Variants in PDZD2 observed in about 807,000 individuals in gnomAD.
PDZD2 encodes the protein PDZ domain-containing protein 2.
A neutral mutation model predicts 220.7 loss-of-function variants in PDZD2; 90 were observed. The ratio of observed to expected loss-of-function variants is 0.41; its 90% CI spans 0.34 to 0.49. PDZD2 has a LOEUF of 0.49. Among genes scored for constraint, PDZD2 ranks in the 20% least tolerant of loss-of-function variants. The probability of loss-of-function intolerance (pLI) is 0.28; values close to 1 mark genes in which losing one functional copy is unlikely to be tolerated. For missense variants in PDZD2, 3,174 were observed against 3,608.5 expected, an observed-to-expected ratio of 0.88 and a Z score of 3.08; for synonymous variants, 1,375 against 1,450.5, an observed-to-expected ratio of 0.95 and a Z score of 1.18.
chr5:31,935,004 CTT>C (rs1745598209), intron 2 of PDZD2, among the ~76,000 whole-genome samples: 1 of 151,482 alleles, frequency 6.6e-6, no homozygotes, highest in South Asian at 2.1e-4. Flanking sequence ...AGGAGAATCT[CTT>C]GAACCCGGAA....
At position 32,060,996 on chromosome 5, in the gene PDZD2, C is replaced by G; in HGVS notation, c.2319-6C>G. The G allele has an allele frequency of 6.2e-7, 1 of 1,614,126 alleles. No homozygotes were observed. Among genetic ancestry groups the G allele is most frequent in the South Asian group, 1.1e-5 (1 of 91,078 alleles). ...CACAGAGTGTGGATTCTGTTGCCCT[C>G]CCTAGCCGCGGGGATCAAATCCTGG... is the stretch of plus-strand genomic sequence containing the variant. On this transcript the variant is annotated splice_polypyrimidine_tract_variant and splice_region_variant and intron_variant, in intron 13 of 24. Transcript: ENST00000438447.
intron 1 of PDZD2, among the ~76,000 whole-genome samples, chr5:31,723,958 C>A (rs897858485): frequency 1.3e-5 from 2 of 152,094 alleles, no homozygotes; most frequent in Admixed American, 6.6e-5. Flanking sequence ...GTGTGAAAGG[C>A]AAGCCTCTCT....
rs749665532 is a variant in PDZD2 at position 32,090,068 on chromosome 5, C to T, written c.6620C>T (p.Ser2207Leu). 1.5e-5 allele frequency: 25 copies of T among 1,613,414 alleles called. No homozygotes were observed. Among genetic ancestry groups the T allele is most frequent in the Non-Finnish European group, 1.9e-5 (22 of 1,179,896 alleles). Residue 2207 changes from serine (S) to leucine (L), a missense_variant, in exon 20 of 25, where the codon TCG becomes TTG. Physicochemically the swap from Ser to Leu is moderately radical, Grantham distance 145. This residue lies in a region of PDZD2 where 1,861 missense variants were observed against 2,001.0 expected (regional missense o/e 0.93). Coordinates refer to ENST00000438447, the MANE Select transcript of PDZD2 (RefSeq NM_178140.4). This position sits in a 1 kb window ranked among gnomAD's most constrained non-coding sequence, Gnocchi z 4.3. ...AGAAACAGCATTCCAGGGGGCCCCTCGGGGGAGGACCATCTCTACTTCACC... is the reference window on the plus strand; with the variant it reads ...AGAAACAGCATTCCAGGGGGCCCCTTGGGGGAGGACCATCTCTACTTCACC... ...VPRNSIPGGPSGEDHLYFTPR... is the reference protein window; with the variant it reads ...VPRNSIPGGPLGEDHLYFTPR...
intron 19 of PDZD2, among the ~76,000 whole-genome samples, chr5:32,084,055 C>A (rs1742222887): frequency 6.6e-6 from 1 of 152,148 alleles, no homozygotes; most frequent in East Asian, 1.9e-4. Context: ...CCCGCACTAC[C>A]GCCCATATTT....
chr5:31,827,311 C>T (rs1192641988), intron 2 of PDZD2, among the ~76,000 whole-genome samples: 1 of 152,118 alleles, frequency 6.6e-6, no homozygotes, highest in Non-Finnish European at 1.5e-5. Context: ...TTTATCCGTG[C>T]CTTGGAAAAC....
chr5:31,908,752 C>T (rs1477589963), intron 2 of PDZD2: 18 of 975,490 alleles, frequency 1.8e-5, no homozygotes, highest in South Asian at 1.2e-4. Context: ...ATTTCAAAAA[C>T]GACCAGTTCT....
intron 1 of PDZD2, among the ~76,000 whole-genome samples, chr5:31,782,360 T>G (rs1753106235): frequency 1.3e-5 from 2 of 152,180 alleles, no homozygotes; most frequent in African/African-American, 4.8e-5. Flanking sequence ...CAGAAATTCA[T>G]TTTTAACTGG....
At chr5:31,947,278 C>G (rs906801349) in intron 2 of PDZD2, among the ~76,000 whole-genome samples, 1 of 152,174 alleles carries the variant, frequency 6.6e-6, no homozygotes, top group Non-Finnish European at 1.5e-5. Flanking sequence ...TCTGGGCTGT[C>G]GCGTTAGAAT....
At chr5:31,827,284 C>T (rs1179036808) in intron 2 of PDZD2, among the ~76,000 whole-genome samples, 3 of 152,080 alleles carry the variant, frequency 2.0e-5, no homozygotes, top group African/African-American at 7.2e-5. Context: ...ATATAAAGTC[C>T]CTGGTTTTCT....
intron 2 of PDZD2, among the ~76,000 whole-genome samples, chr5:31,913,958 ACT>A (rs1743429963): frequency 6.6e-6 from 1 of 151,678 alleles, no homozygotes; most frequent in Admixed American, 6.6e-5. Context: ...CCCAGCACAC[ACT>A]CTCTACTGCT....
chr5:31,711,061 C>T (rs964648215), intron 1 of PDZD2, among the ~76,000 whole-genome samples: 1 of 152,154 alleles, frequency 6.6e-6, no homozygotes, highest in Non-Finnish European at 1.5e-5. Context: ...TCCCAGCTGC[C>T]GAGTCTCTCT....
chr5:31,868,335 C>T (rs899350922), intron 2 of PDZD2, among the ~76,000 whole-genome samples: 5 of 152,258 alleles, frequency 3.3e-5, no homozygotes, highest in Admixed American at 6.5e-5. Flanking sequence ...ATCTCAGCTA[C>T]TCAGGAGGCT....
rs1484590033 is a variant in PDZD2 at position 32,037,422 on chromosome 5, G to A, written c.1519+80G>A. Reference sequence around the variant, plus strand: ...GAGCAGGGAGATGAAGCCATTGCCGGGATGAGCTCCCGTCTTCCTTAAAAC... The same window carrying A: ...GAGCAGGGAGATGAAGCCATTGCCGAGATGAGCTCCCGTCTTCCTTAAAAC... On this transcript the variant is annotated intron_variant, in intron 7 of 24. Transcript: ENST00000438447. 11 of 798,452 alleles carry A rather than the reference G, an allele frequency of 1.4e-5. No homozygotes were observed. The Admixed American group carries it at 2.1e-4, about 16-fold the overall frequency. The allele number at this position is 798,452 out of a possible 1,614,324, so 49.5% of individuals were successfully genotyped here.
At chr5:31,671,783 G>A (rs1057455818) in intron 1 of PDZD2, among the ~76,000 whole-genome samples, 3 of 152,194 alleles carry the variant, frequency 2.0e-5, no homozygotes, top group South Asian at 2.1e-4. Context: ...GTTCAACACC[G>A]ATTCCTGGGG....
At chr5:31,840,977 C>T (rs919970776) in intron 2 of PDZD2, 18 of 420,454 alleles carry the variant, frequency 4.3e-5, no homozygotes, top group South Asian at 5.6e-5. Context: ...CTCATTTTGG[C>T]GAATTACTGG....
intron 6 of PDZD2, among the ~76,000 whole-genome samples, chr5:32,018,840 G>GA (rs1305703609): frequency 6.6e-6 from 1 of 152,214 alleles, no homozygotes; most frequent in Admixed American, 6.5e-5. Flanking sequence ...AGCAAGATAG[G>GA]AAAGACGAGA....
At position 32,090,101 on chromosome 5, in the gene PDZD2, C is replaced by T. The variant is rs768447697; in HGVS notation, c.6653C>T (p.Pro2218Leu). ...GACCATCTCTACTTCACCCCAAGGC[C>T]AGCGACCAGGACCTACTCCATGCCA... ...GEDHLYFTPRPATRTYSMPAQ... is the reference protein window; with the variant it reads ...GEDHLYFTPRLATRTYSMPAQ... Residue 2218 changes from proline to leucine, a missense_variant, in exon 20 of 25, where the codon CCA (proline) becomes CTA (leucine). This residue lies in a region of PDZD2 where 631 missense variants were observed against 789.9 expected (regional missense o/e 0.80). Coordinates refer to ENST00000438447, the MANE Select transcript of PDZD2 (RefSeq NM_178140.4). The surrounding 1 kb of genome is among the most constrained non-coding windows in gnomAD (Gnocchi z 4.3). 1.1e-5 allele frequency: 17 copies of T among 1,613,842 alleles called. No homozygotes were observed. In the South Asian group the frequency reaches 1.6e-4, roughly 16 times the overall value.
In PDZD2 at chr5:32,024,703, A is replaced by AAAAGAAAG. The variant is rs911314669; in HGVS notation, c.1408-12521_1408-12520insGAAAGAAA. Among the ~76,000 whole-genome samples the AAAAGAAAG allele has an allele frequency of 9.9e-4, 139 of 140,148 alleles. 9 individuals carry two copies. Among genetic ancestry groups the AAAAGAAAG allele is most frequent in the Non-Finnish European group, 1.3e-3 (82 of 64,154 alleles). 91.9% of individuals were successfully genotyped at this position (140,148 alleles called of 152,430 possible). The stretch of plus-strand genomic sequence containing the variant: ...ATCTCAAAAAAAAAAAGAAAGAAAA[A>AAAAGAAAG]AAAGAAAAGGAAAGAAAGAAACGTG... On this transcript the variant is annotated intron_variant, in intron 6 of 24. Coordinates refer to ENST00000438447, the MANE Select transcript of PDZD2 (RefSeq NM_178140.4).
intron 1 of PDZD2, among the ~76,000 whole-genome samples, chr5:31,657,672 G>A (rs2150110108): frequency 6.6e-6 from 1 of 152,170 alleles, no homozygotes; most frequent in East Asian, 1.9e-4. Context: ...AGCAGCCTTT[G>A]TGTAAAACAT....
Sources: allele counts gnomAD v4.1 joint callset (sites outside exome capture counted in the v4.1 genomes callset), GRCh38; gene constraint gnomAD v4.1.1; regional missense constraint gnomAD v4.1.1; non-coding constraint Gnocchi (gnomAD v3.1); transcripts MANE v1.5; gene names NCBI Gene and HGNC (gene_info 2026-07-23, HGNC 2026-07-21).